Variants in DNAH5 observed in about 807,000 individuals in gnomAD.
DNAH5 encodes axonemal beta dynein heavy chain 5.
Under a neutral mutation model 518.2 loss-of-function variants are expected in DNAH5, and 372 were observed. The observed-to-expected ratio is 0.72, with a 90% CI of 0.66 to 0.78. DNAH5 has a LOEUF of 0.78. Among genes scored for constraint, DNAH5 ranks in the 30% least tolerant of loss-of-function variants. DNAH5 has a pLI of 0.00. For missense variants in DNAH5, 5,523 were observed against 5,687.0 expected, an observed-to-expected ratio of 0.97 and a Z score of 0.93; for synonymous variants, 2,039 against 2,025.9, an observed-to-expected ratio of 1.01 and a Z score of -0.17.
At chr5:13,862,791 C>A (rs763158513) in intron 28 of DNAH5, 44 bp from the exon 29 acceptor site, 3 of 1,533,908 alleles carry the variant, frequency 2.0e-6, no homozygotes, top group East Asian at 4.5e-5. Flanking sequence ...GAAAGTCACA[C>A]GTCCTTCCTT....
At position 13,811,652 on chromosome 5, in the gene DNAH5, G is replaced by A; in HGVS notation, c.7402C>T (p.Leu2468=). The change falls in exon 44 of 79, where the codon CTG becomes TTG. Residue 2468 remains leucine (L), a synonymous_variant. Coordinates refer to ENST00000265104, the MANE Select transcript of DNAH5 (RefSeq NM_001369.3). The part of the protein sequence containing the change: ...SINMLQGLIP[L]KEQGGEVSQA... ...TAGAAAGTTGAGCAATTTACCTTCA[G>A]AGGAATCAGGCCTTGAAGCATGTTA... 1 of 1,614,036 alleles carries A rather than the reference G, an allele frequency of 6.2e-7. No individual in the cohort carries two copies. The highest frequency in any genetic ancestry group is 2.2e-5 in the East Asian group (1 of 44,868).
chr5:13,737,051 G>T (rs553546303), intron 66 of DNAH5, among the ~76,000 whole-genome samples: 9 of 152,102 alleles, frequency 5.9e-5, no homozygotes, highest in Non-Finnish European at 1.3e-4. Context: ...TAACATGAAT[G>T]ACAAGTACCC....
intron 1 of DNAH5, among the ~76,000 whole-genome samples, chr5:13,989,470 T>C (rs13354545): frequency 0.3 from 43,883 of 148,504 alleles, 6,882 homozygotes; most frequent in East Asian, 0.61. Flanking sequence ...TGTGCATACA[T>C]GTAGAGGGAG....
chr5:13,801,091 G>A (rs966166157), intron 47 of DNAH5, among the ~76,000 whole-genome samples: 6 of 152,084 alleles, frequency 3.9e-5, no homozygotes, highest in Non-Finnish European at 7.4e-5. Context: ...CCTTGATATG[G>A]TTTGGCTCTG....
intron 1 of DNAH5, among the ~76,000 whole-genome samples, chr5:13,974,365 T>A (rs532783323): frequency 3.3e-5 from 5 of 152,312 alleles, no homozygotes; most frequent in African/African-American, 1.2e-4. Flanking sequence ...ACTCAAGCAA[T>A]CTGCCTGCCT....
intron 37 of DNAH5, 130 bp from the exon 38 acceptor site, chr5:13,829,834 C>T: frequency 9.0e-7 from 1 of 1,116,036 alleles, no homozygotes; most frequent in South Asian, 1.3e-5. Context: ...GTATCTCAAT[C>T]TCGTTTTACC....
At position 13,691,879 on chromosome 5, in the gene DNAH5, A is replaced by C. The variant is rs533564551; in HGVS notation, c.*105T>G. On this transcript the variant is annotated 3_prime_UTR_variant, in exon 79 of 79. Coordinates refer to ENST00000265104, the MANE Select transcript of DNAH5 (RefSeq NM_001369.3). ...AAAACCTATGCAGCTCATTAATTGC[A>C]TAAACGACCTAACATACACTGTCCA... The C allele has an allele frequency of 6.9e-7, 1 of 1,438,978 alleles. No homozygotes were observed. Among genetic ancestry groups the C allele is most frequent in the South Asian group, 1.2e-5 (1 of 84,720 alleles). The allele number at this position is 1,438,978 out of a possible 1,614,324, so 89.1% of individuals were successfully genotyped here.
At chr5:13,796,138 A>T (rs1757785123) in intron 47 of DNAH5, among the ~76,000 whole-genome samples, 1 of 152,200 alleles carries the variant, frequency 6.6e-6, no homozygotes, top group African/African-American at 2.4e-5. Context: ...GAAAACTGGC[A>T]CAAGACAGGG....
intron 53 of DNAH5, among the ~76,000 whole-genome samples, chr5:13,778,451 G>A (rs1010879437): frequency 2.6e-5 from 3 of 115,766 alleles, no homozygotes; most frequent in Admixed American, 1.1e-4. Flanking sequence ...GCAGCCTCTA[G>A]AAAGAACGAA....
At chr5:13,924,033 G>A (rs930173819) in intron 3 of DNAH5, among the ~76,000 whole-genome samples, 6 of 150,848 alleles carry the variant, frequency 4.0e-5, no homozygotes, top group Non-Finnish European at 8.9e-5. Flanking sequence ...GCAACAGAGC[G>A]AAACTCAGTC....
intron 31 of DNAH5, among the ~76,000 whole-genome samples, chr5:13,848,924 A>G (rs1315479057): frequency 6.6e-6 from 1 of 152,228 alleles, no homozygotes; most frequent in Non-Finnish European, 1.5e-5. Flanking sequence ...CCCCTGCTCT[A>G]TAGCATAGGC....
At chr5:13,801,482 C>T (rs1402935534) in intron 47 of DNAH5, among the ~76,000 whole-genome samples, 1 of 152,232 alleles carries the variant, frequency 6.6e-6, no homozygotes, top group African/African-American at 2.4e-5. Flanking sequence ...TAAACCCCTA[C>T]TCAACCAATC....
intron 70 of DNAH5, among the ~76,000 whole-genome samples, chr5:13,725,765 C>T (rs1745640538): frequency 6.6e-6 from 1 of 152,198 alleles, no homozygotes; most frequent in Non-Finnish European, 1.5e-5. Context: ...AGCGATTCTC[C>T]TGCCTCAGCC....
intron 51 of DNAH5, among the ~76,000 whole-genome samples, chr5:13,787,389 T>A (rs1756223062): frequency 6.6e-6 from 1 of 152,160 alleles, no homozygotes; most frequent in South Asian, 2.1e-4. Context: ...CATAATTATT[T>A]TCAATTGACT....
intron 1 of DNAH5, among the ~76,000 whole-genome samples, chr5:14,000,766 G>A (rs534739319): frequency 3.6e-4 from 55 of 152,188 alleles, no homozygotes; most frequent in Non-Finnish European, 5.0e-4. Flanking sequence ...GTTAACTATC[G>A]TTCAACCCAG....
chr5:13,973,463 C>T (rs1384850439), intron 1 of DNAH5, among the ~76,000 whole-genome samples: 1 of 152,146 alleles, frequency 6.6e-6, no homozygotes, highest in African/African-American at 2.4e-5. Context: ...AAGCTCGAAC[C>T]CATGAGATGG....
In DNAH5 at chr5:13,716,376, A is replaced by G. The variant is rs142955975; in HGVS notation, c.12909+111T>C. 3.8e-3 allele frequency: 2,881 copies of G among 768,136 alleles called. 80 individuals carry two copies. In the East Asian group the frequency reaches 0.049, roughly 13 times the overall value. The allele number at this position is 768,136 out of a possible 1,614,324, so 47.6% of individuals were successfully genotyped here. A position where few individuals can be genotyped will look rare whatever the true frequency, so the allele number is the denominator to read the frequency against. ...GCCTTCACAGCAAAAGCATTAGTAT[A>G]TATCACCATTAAAATGTATTGTAAA... On this transcript the variant is annotated intron_variant, in intron 74 of 78. Transcript: ENST00000265104.
At chr5:13,760,232 A>T (rs1285978297) in intron 60 of DNAH5, among the ~76,000 whole-genome samples, 1 of 152,170 alleles carries the variant, frequency 6.6e-6, no homozygotes, top group Non-Finnish European at 1.5e-5. Context: ...AATAAATAAA[A>T]TTTATATTAA....
At position 13,735,806 on chromosome 5, in the gene DNAH5, G is replaced by C. The variant is rs536584175; in HGVS notation, c.11570+12C>G. The C allele has an allele frequency of 6.2e-7, 1 of 1,604,632 alleles. No homozygotes were observed. Among genetic ancestry groups the C allele is most frequent in the Admixed American group, 1.7e-5 (1 of 60,008 alleles). On this transcript the variant is annotated intron_variant, in intron 67 of 78. Coordinates refer to ENST00000265104, the MANE Select transcript of DNAH5 (RefSeq NM_001369.3). ...TATAGAATTCAGCTTGGCTTCCCGC[G>C]TACAGACGTACCTGGCTAAGGAAAG...
Sources: gnomAD v4.1 joint callset for allele counts (sites outside exome capture counted in the v4.1 genomes callset) on GRCh38, gnomAD v4.1.1 for gene constraint, MANE v1.5 for transcripts, NCBI Gene and HGNC (gene_info 2026-07-23, HGNC 2026-07-21) for gene names.